The following BMS1 variants were observed in gnomAD, a reference collection of about 807,000 sequenced individuals.
BMS1 encodes ribosome biogenesis protein BMS1 homolog.
Under a neutral mutation model 138.7 loss-of-function variants are expected in BMS1, and 53 were observed. The observed-to-expected ratio is 0.38, with a 90% CI of 0.31 to 0.48. The LOEUF is 0.48. Among genes scored for constraint, BMS1 ranks in the 20% least tolerant of loss-of-function variants. The pLI, the probability that BMS1 is intolerant of heterozygous loss-of-function variation, is 0.97. For missense variants in BMS1, 1,360 were observed against 1,565.5 expected, an observed-to-expected ratio of 0.87 and a Z score of 2.22; for synonymous variants, 504 against 539.9, an observed-to-expected ratio of 0.93 and a Z score of 0.92.
chr10:42,827,152 C>T (rs1320708559), intron 21 of BMS1, among the ~76,000 whole-genome samples: 1 of 152,078 alleles, frequency 6.6e-6, no homozygotes, highest in Non-Finnish European at 1.5e-5. Flanking sequence ...CCTAGACTCT[C>T]GTGTTTCCTC....
chr10:42,803,129 C>T (rs897447431), intron 13 of BMS1, among the ~76,000 whole-genome samples: 7 of 152,102 alleles, frequency 4.6e-5, no homozygotes, highest in Admixed American at 1.3e-4. Flanking sequence ...TGAAGCCTCC[C>T]GAGTAGCTAG....
chr10:42,830,414 G>A lies in BMS1; in HGVS notation c.3610G>A (p.Glu1204Lys), dbSNP rs1238679644. The A allele has an allele frequency of 6.2e-7, 1 of 1,607,512 alleles. No homozygotes were observed. The highest frequency in any genetic ancestry group is 8.5e-7 in the Non-Finnish European group (1 of 1,178,592). Reference sequence around the variant, plus strand: ...ACCGGCCGTCATACGCGAGCCTCATGAAAGAAAGGTACTGTTGCCCATGCT... The same window carrying A: ...ACCGGCCGTCATACGCGAGCCTCATAAAAGAAAGGTACTGTTGCCCATGCT... ...RRPAVIREPHERKILALLDAL... is the reference protein window; with the variant it reads ...RRPAVIREPHKRKILALLDAL... Residue 1204 changes from glutamate to lysine, a missense_variant, in exon 22 of 23, where the codon GAA becomes AAA. Physicochemically the swap from Glu to Lys is moderately conservative, Grantham distance 56. This residue lies in a region of BMS1 where 425 missense variants were observed against 568.3 expected (regional missense o/e 0.75). Transcript: ENST00000374518.
At chr10:42,820,885 A>G (rs1349915654) in intron 17 of BMS1, 49 bp from the exon 18 acceptor site, 3 of 1,503,912 alleles carry the variant, frequency 2.0e-6, no homozygotes, top group African/African-American at 1.4e-5. Context: ...TTAAACTAGA[A>G]TCTAAAATTT....
At chr10:42,825,610 A>G (rs1415190763) in intron 21 of BMS1, among the ~76,000 whole-genome samples, 1 of 152,226 alleles carries the variant, frequency 6.6e-6, no homozygotes, top group Admixed American at 6.5e-5. Context: ...TGCATACAGA[A>G]ATGCAACTGA....
intron 12 of BMS1, 89 bp from the exon 13 acceptor site, chr10:42,802,048 A>T: frequency 1.0e-6 from 1 of 954,434 alleles, no homozygotes; most frequent in Non-Finnish European, 1.6e-6. Context: ...GAAATATTTA[A>T]AGGCAAGTTG....
chr10:42,818,550 G>A (rs941237498), intron 15 of BMS1, among the ~76,000 whole-genome samples: 11 of 152,200 alleles, frequency 7.2e-5, no homozygotes, highest in African/African-American at 2.7e-4. Context: ...AATGTGGGGT[G>A]TGTGAGAGGA....
chr10:42,793,463 T>C (rs1397989034), intron 8 of BMS1, among the ~76,000 whole-genome samples: 1 of 152,194 alleles, frequency 6.6e-6, no homozygotes, highest in African/African-American at 2.4e-5. Flanking sequence ...ATTGGTCTTT[T>C]TCTCATTCAC....
chr10:42,812,320 A>C (rs1047893631), intron 13 of BMS1, among the ~76,000 whole-genome samples: 5 of 152,254 alleles, frequency 3.3e-5, no homozygotes, highest in African/African-American at 1.2e-4. Flanking sequence ...TAAATTCAAA[A>C]TTTTTTGGAG....
At chr10:42,805,123 A>G (rs1405155640) in intron 13 of BMS1, among the ~76,000 whole-genome samples, 1 of 152,182 alleles carries the variant, frequency 6.6e-6, no homozygotes, top group Non-Finnish European at 1.5e-5. Context: ...TTACAGTTTC[A>G]GGTTTTACGT....
chr10:42,830,953 C>G lies in BMS1; in HGVS notation c.3706C>G (p.His1236Asp). The G allele has an allele frequency of 6.2e-7, 1 of 1,610,610 alleles. No homozygotes were observed. The highest frequency in any genetic ancestry group is 8.5e-7 in the Non-Finnish European group (1 of 1,178,438). ...KEQRHLHNKE[H>D]FRAKQKEEEE... ...GCAGCGGCACCTGCACAATAAAGAG[C>G]ACTTCAGAGCCAAGCAGAAGGAGGA... The change falls in exon 23 of 23, where the codon CAC becomes GAC. Residue 1236 changes from histidine (H) to aspartate (D), a missense_variant. Transcript: ENST00000374518.
rs780393436 is a variant in BMS1 at position 42,823,272 on chromosome 10, G to T, written c.3280+7G>T. On this transcript the variant is annotated splice_region_variant and intron_variant, in intron 20 of 22. Transcript: ENST00000374518. ...GATAAGCTGCTGATGAGCGGTGAGT[G>T]TCTTGAGTAGTGTTCAGGGCAGGGT... 6.4e-7 allele frequency: 1 copy of T among 1,560,108 alleles called. No homozygotes were observed. The highest frequency in any genetic ancestry group is 8.6e-7 in the Non-Finnish European group (1 of 1,158,662).
rs556776987 is a variant in BMS1, at chr10:42,810,501, G to C, written c.2330-6098G>C. Among the ~76,000 whole-genome samples the C allele has an allele frequency of 1.1e-4, 17 of 152,204 alleles. No homozygotes were observed. In the East Asian group the frequency reaches 3.3e-3, roughly 29 times the overall value. ...TGTCTTCATCTGGTTTTGGCATTGG[G>C]ATAATACTAGCCTCATAAAATGAGT... On this transcript the variant is annotated intron_variant, in intron 13 of 22. Coordinates refer to ENST00000374518, the MANE Select transcript of BMS1 (RefSeq NM_014753.4).
Position 42,820,371 on chromosome 10 carries a change from C to G in BMS1, c.2716C>G (p.Pro906Ala). The G allele has an allele frequency of 1.2e-6, 2 of 1,613,742 alleles. No homozygotes were observed. Among genetic ancestry groups the G allele is most frequent in the Non-Finnish European group, 1.7e-6 (2 of 1,179,846 alleles). ...TGTGCAGAACTTTGACCCCCATTAC[C>G]CCATTATCCTGGGTGGCTTGGGCAA... ...EFVQNFDPHY[P>A]IILGGLGNSE... Residue 906 changes from proline (P) to alanine (A), a missense_variant, in exon 16 of 23, where the codon CCC (proline) becomes GCC (alanine). This residue lies in a region of BMS1 where 425 missense variants were observed against 568.3 expected (regional missense o/e 0.75). Transcript: ENST00000374518.
In BMS1 at chr10:42,784,346, A is replaced by C; in HGVS notation, c.-33-16A>C. On this transcript the variant is annotated splice_polypyrimidine_tract_variant and intron_variant, in intron 1 of 22. Transcript: ENST00000374518. ...ATGCTTCTCCCATCTCCTTACCCCAACCTTCTTCCTTGTAGGTTAGAGTTA... is the reference window on the plus strand; with the variant it reads ...ATGCTTCTCCCATCTCCTTACCCCACCCTTCTTCCTTGTAGGTTAGAGTTA... 6.5e-7 allele frequency: 1 copy of C among 1,530,010 alleles called. No individual in the cohort carries two copies. Among genetic ancestry groups the C allele is most frequent in the Non-Finnish European group, 8.7e-7 (1 of 1,144,822 alleles). The allele number at this position is 1,530,010 out of a possible 1,614,324, so 94.8% of individuals were successfully genotyped here.
chr10:42,817,325 A>G lies in BMS1; in HGVS notation c.2411A>G (p.Asp804Gly). The G allele has an allele frequency of 6.3e-7, 1 of 1,595,598 alleles. No individual in the cohort carries two copies. Among genetic ancestry groups the G allele is most frequent in the Non-Finnish European group, 8.5e-7 (1 of 1,173,898 alleles). ...TTCTTCTGGAAATTTAAGAATGAAG[A>G]TATAGAGAAAGAAGTTAAGGAAGAA... is the stretch of plus-strand genomic sequence containing the variant. ...GKSGPNTQNE[D>G]IEKEVKEEID... The change falls in exon 15 of 23, where the codon GAT (aspartate) becomes GGT (glycine). Residue 804 changes from aspartate (D) to glycine (G), a missense_variant. Coordinates refer to ENST00000374518, the MANE Select transcript of BMS1 (RefSeq NM_014753.4).
chr10:42,822,008 A>G, intron 18 of BMS1, 54 bp from the exon 19 acceptor site: 3 of 1,525,684 alleles, frequency 2.0e-6, no homozygotes, highest in Non-Finnish European at 2.7e-6. Flanking sequence ...ATAGAATTGA[A>G]GTTTTTCTCT....
chr10:42,810,793 G>C (rs1035267636), intron 13 of BMS1, among the ~76,000 whole-genome samples: 1 of 152,186 alleles, frequency 6.6e-6, no homozygotes, highest in Non-Finnish European at 1.5e-5. Context: ...GTGCCTTCTT[G>C]AAGAGACCAG....
rs1333216008 is a variant in BMS1 at position 42,796,603 on chromosome 10, T to A, written c.1359T>A (p.Asp453Glu). 3 of 1,614,154 alleles carry A rather than the reference T, an allele frequency of 1.9e-6. No homozygotes were observed. The highest frequency in any genetic ancestry group is 2.2e-5 in the South Asian group (2 of 91,076). Reference protein sequence around the residue: ...DDEEDDEMSEDDGLENGSSDE... With the variant: ...DDEEDDEMSEEDGLENGSSDE... ...AAGAAGATGATGAAATGTCTGAAGA[T>A]GACGGGTTGGAAAACGGCTCTAGTG... Residue 453 changes from aspartate to glutamate, a missense_variant, in exon 10 of 23, where the codon GAT (aspartate) becomes GAA (glutamate). By Grantham distance (45) the Asp-to-Glu change is conservative. Transcript: ENST00000374518.
At chr10:42,825,492 A>T (rs1311209347) in intron 21 of BMS1, among the ~76,000 whole-genome samples, 1 of 151,548 alleles carries the variant, frequency 6.6e-6, no homozygotes, top group Admixed American at 6.6e-5. Context: ...TATGGTTTTC[A>T]AGTGTACACA....
Sources: gnomAD v4.1 joint callset for allele counts (sites outside exome capture counted in the v4.1 genomes callset) on GRCh38, gnomAD v4.1.1 for gene constraint, gnomAD v4.1.1 regional missense constraint, MANE v1.5 for transcripts, NCBI Gene and HGNC (gene_info 2026-07-23, HGNC 2026-07-21) for gene names.